The following EXO1 variants were observed in gnomAD, a reference collection of about 807,000 sequenced individuals.
EXO1 encodes exonuclease 1.
Under a neutral mutation model 84.5 loss-of-function variants are expected in EXO1, and 69 were observed. The ratio of observed to expected loss-of-function variants is 0.82; its 90% confidence interval spans 0.67 to 1.00. EXO1 has a LOEUF of 1.00. EXO1 is among the 50% of genes least tolerant of loss of function. The pLI is 0.00. For missense variants in EXO1, 1,045 were observed against 1,000.7 expected (o/e 1.04, Z -0.60); for synonymous variants, 373 against 366.1 (o/e 1.02, Z -0.21).
intron 12 of EXO1, among the ~76,000 whole-genome samples, 184 bp downstream of exon 12, chr1:241,872,462 G>A (rs113783208): frequency 0.052 from 7,961 of 151,958 alleles, 444 homozygotes; most frequent in African/African-American, 0.14. Flanking sequence ...CCATCAACCC[G>A]TCACCTCCAT....
chr1:241,885,666 TAATATC>T (rs1430438004), intron 15 of EXO1, 159 bp downstream of exon 15: 5 of 677,646 alleles, frequency 7.4e-6, no homozygotes, highest in Non-Finnish European at 1.3e-5. Context: ...TCTTTATACT[TAATATC>T]AATTTCTATA....
chr1:241,850,292 AAAC>A (rs1660588619), intron 3 of EXO1, 114 bp from the exon 4 acceptor site: 1 of 768,664 alleles, frequency 1.3e-6, no homozygotes, highest in Non-Finnish European at 2.1e-6. Flanking sequence ...AAAAAAAAAA[AAAC>A]AACAAACCAA....
Position 241,853,423 on chromosome 1 carries a change from G to T in EXO1, c.347G>T (p.Arg116Leu), listed in dbSNP as rs371763760. The stretch of plus-strand genomic sequence containing the variant: ...CGTGAGGGGAAAGTCTCGGAAGCTC[G>T]AGAGTGTTTCACCCGGTCTATCAAT... The part of the protein sequence containing the change: ...LLREGKVSEA[R>L]ECFTRSINIT... The change falls in exon 6 of 16, where the codon CGA (arginine) becomes CTA (leucine). Residue 116 changes from arginine to leucine, a missense_variant. Physicochemically the swap from Arg to Leu is moderately radical, Grantham distance 102. Coordinates refer to ENST00000366548, the MANE Select transcript of EXO1 (RefSeq NM_130398.4). 6.2e-7 allele frequency: 1 copy of T among 1,613,940 alleles called. No individual in the cohort carries two copies. The highest frequency in any genetic ancestry group is 8.5e-7 in the Non-Finnish European group (1 of 1,179,900).
chr1:241,862,218 G>A (rs1402163122), intron 10 of EXO1, among the ~76,000 whole-genome samples: 9 of 152,170 alleles, frequency 5.9e-5, no homozygotes, highest in East Asian at 3.9e-4. Context: ...GATTACAGGC[G>A]TGAGCCACCA....
intron 10 of EXO1, 24 bp downstream of exon 10, chr1:241,861,526 T>C (rs762061524): frequency 8.3e-7 from 1 of 1,205,960 alleles, no homozygotes; most frequent in South Asian, 1.2e-5. Flanking sequence ...GACCACCCTA[T>C]GAAAACACGT....
At chr1:241,870,728 A>T (rs1484013030) in intron 11 of EXO1, among the ~76,000 whole-genome samples, 3 of 152,050 alleles carry the variant, frequency 2.0e-5, no homozygotes, top group African/African-American at 7.2e-5. Context: ...CTGCCTGTTA[A>T]TTTTTTTGTT....
At chr1:241,860,760 T>C (rs2148429232) in intron 9 of EXO1, 56 bp downstream of exon 9, 1 of 1,452,218 alleles carries the variant, frequency 6.9e-7, no homozygotes, top group East Asian at 2.3e-5. Context: ...AATATTTTTA[T>C]GGTGATTTTT....
At chr1:241,867,205 T>C (rs989383516) in intron 11 of EXO1, 150 bp downstream of exon 11, 1 of 707,886 alleles carries the variant, frequency 1.4e-6, no homozygotes, top group Non-Finnish European at 2.5e-6. Context: ...GATAAACACA[T>C]ACCTGAGACT....
intron 8 of EXO1, 63 bp downstream of exon 8, chr1:241,858,781 A>C: frequency 9.5e-7 from 1 of 1,051,226 alleles, no homozygotes; most frequent in Non-Finnish European, 1.5e-6. Flanking sequence ...AAAATAATAA[A>C]TCATAATATG....
At chr1:241,861,985 C>A (rs1310875080) in intron 10 of EXO1, among the ~76,000 whole-genome samples, 3 of 152,172 alleles carry the variant, frequency 2.0e-5, no homozygotes, top group African/African-American at 7.2e-5. Context: ...GTTGCCCAGG[C>A]TGGAGTGCAA....
At chr1:241,852,179 A>G (rs2148384773) in intron 4 of EXO1, 113 bp from the exon 5 acceptor site, 1 of 956,170 alleles carries the variant, frequency 1.0e-6, no homozygotes, top group East Asian at 2.4e-5. Context: ...TCTGCTTAAA[A>G]TAACAAAATA....
intron 12 of EXO1, among the ~76,000 whole-genome samples, chr1:241,875,417 T>C (rs144898114): frequency 6.6e-5 from 10 of 152,366 alleles, no homozygotes; most frequent in Non-Finnish European, 1.3e-4. Context: ...CCTCGGGTGA[T>C]GTTTCAAACC....
chr1:241,884,054 C>T lies in EXO1; in HGVS notation c.2212-1260C>T, dbSNP rs144613727. 1.9e-3 allele frequency among the ~76,000 whole-genome samples: 294 copies of T among 152,248 alleles called. 1 individual carries two copies. The highest frequency in any genetic ancestry group is 6.7e-3 in the African/African-American group (277 of 41,554). ...CGTGTCTTTTACCTCTATTTCTTCT[C>T]GGAACGTTTTTTGTTTTATCTATTA... On this transcript the variant is annotated intron_variant, in intron 14 of 15. Transcript: ENST00000366548.
chr1:241,865,710 A>C (rs989979630), intron 10 of EXO1, among the ~76,000 whole-genome samples: 1 of 152,132 alleles, frequency 6.6e-6, no homozygotes, highest in African/African-American at 2.4e-5. Context: ...TGTACACCAA[A>C]TGAGTTATTT....
Position 241,866,951 on chromosome 1 carries a change from C to A in EXO1, c.1163C>A (p.Pro388Gln). 1 of 1,613,956 alleles carries A rather than the reference C, an allele frequency of 6.2e-7. No homozygotes were observed. Among genetic ancestry groups the A allele is most frequent in the Non-Finnish European group, 8.5e-7 (1 of 1,179,888 alleles). The change falls in exon 11 of 16, where the codon CCA (proline) becomes CAA (glutamine). Residue 388 changes from proline (P) to glutamine (Q), a missense_variant. Transcript: ENST00000366548. ...GAGTCGGGTACTGTTTCAGATGCCC[C>A]ACAATTGAAGGAAAATCCAAGTACT... ...RPESGTVSDA[P>Q]QLKENPSTVG...
chr1:241,878,952 T>C lies in EXO1; in HGVS notation c.1718T>C (p.Ile573Thr). Residue 573 changes from isoleucine (I) to threonine (T), a missense_variant, in exon 13 of 16, where the codon ATT becomes ACT. Ile to Thr is a moderately conservative substitution (Grantham distance 89). Coordinates refer to ENST00000366548, the MANE Select transcript of EXO1 (RefSeq NM_130398.4). ...IPNNHIPGDH[I>T]PDKATVFTDE... is the part of the protein sequence containing the mutation. ...AATAATCATATTCCAGGTGATCATA[T>C]TCCAGACAAGGCAACAGTGTTTACA... 1.9e-6 allele frequency: 3 copies of C among 1,614,206 alleles called. No homozygotes were observed. Among genetic ancestry groups the C allele is most frequent in the Non-Finnish European group, 2.5e-6 (3 of 1,180,020 alleles).
intron 6 of EXO1, among the ~76,000 whole-genome samples, chr1:241,856,126 G>T (rs905008135): frequency 6.6e-6 from 1 of 152,222 alleles, no homozygotes; most frequent in Admixed American, 6.5e-5. Context: ...CTGCCAGCAC[G>T]CTGTCACTTC....
At chr1:241,881,165 C>A (rs767955618) in intron 13 of EXO1, among the ~76,000 whole-genome samples, 10 of 152,040 alleles carry the variant, frequency 6.6e-5, no homozygotes, top group Non-Finnish European at 1.3e-4. Context: ...GTAGCTGGGA[C>A]AACAGGCATG....
intron 3 of EXO1, 93 bp from the exon 4 acceptor site, chr1:241,850,316 G>T: frequency 2.3e-6 from 2 of 868,358 alleles, no homozygotes; most frequent in Non-Finnish European, 3.7e-6. Context: ...TTTCTGCATT[G>T]GACTCCAAGC....
Sources: allele counts gnomAD v4.1 joint callset (sites outside exome capture counted in the v4.1 genomes callset), GRCh38; gene constraint gnomAD v4.1.1; transcripts MANE v1.5; gene names NCBI Gene and HGNC (gene_info 2026-07-23, HGNC 2026-07-21).